DIP2C: variants seen among roughly 807,000 people sequenced by gnomAD.
DIP2C encodes DIP2 acetate--CoA ligase C (putative).
A neutral mutation model predicts 192.4 loss-of-function variants in DIP2C; 33 were observed. The ratio of observed to expected loss-of-function variants is 0.17; its 90% CI spans 0.13 to 0.23. The LOEUF is 0.23. Ranked by LOEUF, DIP2C falls within the 10% of genes least tolerant of loss-of-function variation. The pLI is 1.00. For missense variants in DIP2C, 1,537 were observed against 2,110.1 expected (o/e 0.73, Z 5.32); for synonymous variants, 979 against 864.1 (o/e 1.13, Z -2.33).
intron 1 of DIP2C, among the ~76,000 whole-genome samples, chr10:678,020 C>A (rs936079300): frequency 3.3e-5 from 5 of 152,252 alleles, no homozygotes; most frequent in African/African-American, 4.8e-5. Context: ...CCCGAAGGTG[C>A]CAGCCCAGCC....
intron 5 of DIP2C, among the ~76,000 whole-genome samples, chr10:422,259 C>T (rs1966243553): frequency 6.6e-6 from 1 of 152,190 alleles, no homozygotes. Flanking sequence ...CCCATCACCG[C>T]TCCCCACGTG....
chr10:323,354 GCGAGAGACCGGCGC>G (rs1180544274), intron 31 of DIP2C, among the ~76,000 whole-genome samples: 1,545 of 116,638 alleles, frequency 0.013, 183 homozygotes, highest in Middle Eastern at 0.02. Context: ...CGGGGCTCCA[GCGAGAGACCGGCGC>G]TGTTAGAACA....
intron 1 of DIP2C, among the ~76,000 whole-genome samples, chr10:685,997 T>C (rs757785591): frequency 3.9e-5 from 6 of 152,208 alleles, no homozygotes; most frequent in Admixed American, 2.6e-4. Context: ...TTTGTCTTTA[T>C]GGGGAAGTTT....
chr10:453,428 A>G (rs1297225704), intron 3 of DIP2C, among the ~76,000 whole-genome samples: 1 of 152,232 alleles, frequency 6.6e-6, no homozygotes, highest in Admixed American at 6.5e-5. Context: ...ACAGTGTCAA[A>G]GACTCCAGCA....
intron 1 of DIP2C, among the ~76,000 whole-genome samples, chr10:582,713 C>G (rs560201502): frequency 6.6e-6 from 1 of 152,326 alleles, no homozygotes; most frequent in East Asian, 1.9e-4. Context: ...ACCAAGTGTT[C>G]ACGCCCTTGT....
At chr10:424,355 G>GTTTTTTTTTTTTTTTTTTTT (rs557255878) in intron 4 of DIP2C, among the ~76,000 whole-genome samples, 4 of 83,104 alleles carry the variant, frequency 4.8e-5, no homozygotes, top group African/African-American at 1.8e-4. Flanking sequence ...ATCACCTTGG[G>GTTTTTTTTTTTTTTTTTTTT]TTTTTTTTTT....
chr10:472,406 T>C (rs1476382526), intron 3 of DIP2C, 33 bp downstream of exon 3: 2 of 1,588,270 alleles, frequency 1.3e-6, no homozygotes, highest in Admixed American at 1.7e-5. Context: ...AGGTGGCAGA[T>C]GGACGTATTG....
At chr10:493,025 C>G (rs907121772) in intron 1 of DIP2C, among the ~76,000 whole-genome samples, 3 of 152,222 alleles carry the variant, frequency 2.0e-5, no homozygotes, top group Non-Finnish European at 2.9e-5. Context: ...TGCAGTGTGC[C>G]GCGCGGAGCA....
chr10:618,845 C>T (rs948723571), intron 1 of DIP2C, among the ~76,000 whole-genome samples: 1 of 152,256 alleles, frequency 6.6e-6, no homozygotes, highest in Non-Finnish European at 1.5e-5. Context: ...GCCGCACGAT[C>T]GCCAGAAACA....
intron 1 of DIP2C, among the ~76,000 whole-genome samples, chr10:631,419 T>C (rs1588639832): frequency 6.6e-6 from 1 of 152,316 alleles, no homozygotes; most frequent in Middle Eastern, 3.4e-3. Context: ...TTAATCTGCA[T>C]AAGAACATCC....
intron 6 of DIP2C, 88 bp downstream of exon 6, chr10:418,977 G>A: frequency 6.4e-7 from 1 of 1,572,272 alleles, no homozygotes; most frequent in South Asian, 1.2e-5. Context: ...TGTACCCCAG[G>A]AAGAAACACA....
Position 390,868 on chromosome 10 carries a change from G to C in DIP2C, c.1261-5C>G. The C allele has an allele frequency of 6.2e-7, 1 of 1,613,736 alleles. No homozygotes were observed. The highest frequency in any genetic ancestry group is 8.5e-7 in the Non-Finnish European group (1 of 1,179,866). On this transcript the variant is annotated splice_polypyrimidine_tract_variant and splice_region_variant and intron_variant, in intron 10 of 36. Transcript: ENST00000280886. The stretch of plus-strand genomic sequence containing the variant: ...TATCTGCTGGCTCCCTGCGTCCTGA[G>C]AGGGCAACAGAGAGGAGTTGAGAAT...
intron 1 of DIP2C, among the ~76,000 whole-genome samples, chr10:577,915 A>G (rs947992715): frequency 1.3e-5 from 2 of 152,070 alleles, no homozygotes; most frequent in African/African-American, 4.8e-5. Context: ...AGAACCTGGA[A>G]TTTACCTTTG....
At chr10:356,117 A>T (rs745690361) in intron 24 of DIP2C, 12 of 490,708 alleles carry the variant, frequency 2.4e-5, no homozygotes, top group Admixed American at 3.4e-5. Flanking sequence ...AGTAATCAAA[A>T]TAAAAATGCA....
chr10:429,742 C>T (rs967369088), intron 4 of DIP2C, among the ~76,000 whole-genome samples: 7 of 151,674 alleles, frequency 4.6e-5, no homozygotes, highest in Non-Finnish European at 1.0e-4. Context: ...CAATAATATC[C>T]CATTGTCTGT....
intron 1 of DIP2C, among the ~76,000 whole-genome samples, chr10:545,170 T>C (rs1300005736): frequency 5.0e-5 from 7 of 138,824 alleles, no homozygotes; most frequent in Admixed American, 2.1e-4. Context: ...TTTTCCCTTT[T>C]TTTTTTTTTT....
Position 349,401 on chromosome 10 carries a change from C to T in DIP2C, c.3039G>A (p.Lys1013=), listed in dbSNP as rs763031397. 6.2e-7 allele frequency: 1 copy of T among 1,611,460 alleles called. No homozygotes were observed. The highest frequency in any genetic ancestry group is 8.5e-7 in the Non-Finnish European group (1 of 1,179,762). Residue 1013 remains lysine (K), a synonymous_variant, in exon 25 of 37, where the codon AAG becomes AAA. Transcript: ENST00000280886. ...CCCTCTCCATCAGCATCACGGCGAT[C>T]TTCTCAGCTCTCTTGTGCAGCTGCA... ...TCVQLHKRAE[K]IAVMLMERGH...
At chr10:619,537 G>GCCCGCCCGCCCT (rs1554757178) in intron 1 of DIP2C, among the ~76,000 whole-genome samples, 22 of 51,386 alleles carry the variant, frequency 4.3e-4, no homozygotes, top group Non-Finnish European at 7.1e-4. Flanking sequence ...AAGCCCGCCC[G>GCCCGCCCGCCCT]CCCGCCCTCC....
intron 6 of DIP2C, 137 bp downstream of exon 6, chr10:418,928 C>T: frequency 7.6e-7 from 1 of 1,311,126 alleles, no homozygotes; most frequent in East Asian, 2.4e-5. Flanking sequence ...CCATGAGAGG[C>T]TCCCGAAGAT....
Sources: gnomAD v4.1 joint callset for allele counts (sites outside exome capture counted in the v4.1 genomes callset) on GRCh38, gnomAD v4.1.1 for gene constraint, MANE v1.5 for transcripts, NCBI Gene and HGNC (gene_info 2026-07-23, HGNC 2026-07-21) for gene names.